Variants in ANKRD11 observed in about 807,000 individuals in gnomAD.
ANKRD11 encodes the protein ankyrin repeat domain-containing protein 11.
In ANKRD11, 17 loss-of-function variants were observed where a neutral mutation model predicts 195.7. That is an observed-to-expected ratio of 0.09 (90% CI 0.06 to 0.13). The LOEUF is 0.13. ANKRD11 is among the 10% of genes least tolerant of loss of function. The pLI is 1.00. For synonymous variants in ANKRD11, 1,953 were observed against 1,528.1 expected (o/e 1.28, Z -6.49); for missense variants, 3,735 against 3,566.1 (o/e 1.05, Z -1.21).
At chr16:89,324,729 A>C (rs759479341) in intron 2 of ANKRD11, 44 of 327,392 alleles carry the variant, frequency 1.3e-4, no homozygotes, top group Non-Finnish European at 2.2e-4. Flanking sequence ...TTGGACCTAC[A>C]CCAGTGGTTT....
At chr16:89,325,467 T>A (rs557398326) in intron 2 of ANKRD11, among the ~76,000 whole-genome samples, 2,135 of 140,502 alleles carry the variant, frequency 0.015, 58 homozygotes, top group African/African-American at 0.058. Flanking sequence ...TCTCTCTCTC[T>A]CTCACACACA....
In ANKRD11 at chr16:89,283,624, C is replaced by G. The variant is rs769464008; in HGVS notation, c.2918G>C (p.Arg973Pro). 6.2e-7 allele frequency: 1 copy of G among 1,610,420 alleles called. No homozygotes were observed. Among genetic ancestry groups the G allele is most frequent in the Non-Finnish European group, 8.5e-7 (1 of 1,179,898 alleles). Residue 973 changes from arginine (R) to proline (P), a missense_variant, in exon 9 of 13, where the codon CGG (arginine) becomes CCG (proline). Transcript: ENST00000301030. The surrounding 1 kb of genome is among the most constrained non-coding windows in gnomAD (Gnocchi z 4.3). ...GCAGCCACACTCCTTCAGCTCCTCC[C>G]GGTGCGCCTCCTCGGGCTTGGCCCT... is the stretch of plus-strand genomic sequence containing the variant. ...DGRAKPEEAHREELKECGCES... is the reference protein window; with the variant it reads ...DGRAKPEEAHPEELKECGCES...
chr16:89,303,451 C>A (rs1555534906), intron 4 of ANKRD11, among the ~76,000 whole-genome samples: 1 of 152,204 alleles, frequency 6.6e-6, no homozygotes, highest in Non-Finnish European at 1.5e-5. Context: ...CTTACACAAC[C>A]CATCCACACA....
chr16:89,293,336 C>T (rs751161944), intron 4 of ANKRD11, among the ~76,000 whole-genome samples: 1 of 152,126 alleles, frequency 6.6e-6, no homozygotes, highest in Non-Finnish European at 1.5e-5. Context: ...AAGTGAAAAG[C>T]GAGTGGGCCC....
At chr16:89,364,722 C>G (rs993903718) in intron 2 of ANKRD11, among the ~76,000 whole-genome samples, 3 of 152,198 alleles carry the variant, frequency 2.0e-5, no homozygotes, top group African/African-American at 7.2e-5. Context: ...CTGCCATGGG[C>G]CGCGGGCTGG....
At chr16:89,348,838 C>G (rs1448907128) in intron 2 of ANKRD11, among the ~76,000 whole-genome samples, 1 of 150,942 alleles carries the variant, frequency 6.6e-6, no homozygotes, top group African/African-American at 2.4e-5. Context: ...TTCTCCTGAT[C>G]CATTTGGCTA....
In ANKRD11 at chr16:89,275,222, G is replaced by A. The variant is rs2033548694; in HGVS notation, c.7471-31C>T. ...GGCAAAAGGTGAGTGTGGGGGGTCA[G>A]CTGGGGCTGTGGAACTGCACGAAGG... On this transcript the variant is annotated intron_variant, in intron 9 of 12. Coordinates refer to ENST00000301030, the MANE Select transcript of ANKRD11 (RefSeq NM_013275.6). The A allele has an allele frequency of 1.9e-6, 3 of 1,567,806 alleles. No homozygotes were observed. In the South Asian group the frequency reaches 3.4e-5, roughly 18 times the overall value.
Position 89,418,371 on chromosome 16 carries a change from G to A in ANKRD11, c.-144-3C>T, listed in dbSNP as rs1032099542. ...CCCAGAGCAGGGCTGTATATATTCTGAAACAAGAGAGTGAGATTAGCTCAT... is the reference window on the plus strand; with the variant it reads ...CCCAGAGCAGGGCTGTATATATTCTAAAACAAGAGAGTGAGATTAGCTCAT... On this transcript the variant is annotated splice_region_variant and splice_polypyrimidine_tract_variant and intron_variant, in intron 1 of 12. Transcript: ENST00000301030. 1.1e-5 allele frequency: 5 copies of A among 438,622 alleles called. No individual in the cohort carries two copies. In the Admixed American group the frequency reaches 1.2e-4, roughly 11 times the overall value. 27.2% of individuals were successfully genotyped at this position (438,622 alleles called of 1,614,324 possible). A position where few individuals can be genotyped will look rare whatever the true frequency, so the allele number is the denominator to read the frequency against.
intron 1 of ANKRD11, among the ~76,000 whole-genome samples, chr16:89,430,138 G>T (rs1253173419): frequency 1.5e-4 from 17 of 109,958 alleles, no homozygotes; most frequent in Admixed American, 1.8e-4. Context: ...ACACAGCAGG[G>T]ACTCTCAACT....
chr16:89,436,878 A>C (rs1357146806), intron 1 of ANKRD11, among the ~76,000 whole-genome samples: 2 of 152,228 alleles, frequency 1.3e-5, no homozygotes, highest in African/African-American at 4.8e-5. Flanking sequence ...GCTCTTCAAT[A>C]AACTTATCTA....
intron 2 of ANKRD11, among the ~76,000 whole-genome samples, chr16:89,332,839 A>G (rs1339145949): frequency 6.6e-6 from 1 of 152,146 alleles, no homozygotes; most frequent in Non-Finnish European, 1.5e-5. Flanking sequence ...AGAAACGTCC[A>G]TTTCTTTCCT....
rs199964892 is a variant in ANKRD11, at chr16:89,280,660, C to G, written c.5882G>C (p.Ser1961Thr). 3.1e-6 allele frequency: 5 copies of G among 1,613,440 alleles called. No homozygotes were observed. In the Admixed American group the frequency reaches 6.7e-5, roughly 22 times the overall value. The change falls in exon 9 of 13, where the codon AGC becomes ACC. Residue 1961 changes from serine (S) to threonine (T), a missense_variant. Transcript: ENST00000301030. ...GTTTTCAGAGGTGCCCCCGATCAGG[C>G]TAGAGGCAAGCGCCTGCTCGGAGGG... ...AHPSEQALAS[S>T]LIGGTSENPV...
intron 2 of ANKRD11, among the ~76,000 whole-genome samples, chr16:89,336,504 A>G (rs1466448259): frequency 6.6e-6 from 1 of 152,222 alleles, no homozygotes; most frequent in East Asian, 1.9e-4. Context: ...GTAGCAGGAC[A>G]TTGCCCAGAT....
chr16:89,435,194 C>G (rs2043161073), intron 1 of ANKRD11, among the ~76,000 whole-genome samples: 1 of 152,180 alleles, frequency 6.6e-6, no homozygotes, highest in African/African-American at 2.4e-5. Context: ...ACGCACCAAT[C>G]AGCACTCTGT....
intron 1 of ANKRD11, among the ~76,000 whole-genome samples, chr16:89,481,303 T>A (rs1378941044): frequency 6.6e-6 from 1 of 152,166 alleles, no homozygotes; most frequent in Non-Finnish European, 1.5e-5. Context: ...TGTGATGTCT[T>A]GTGCCTGTCA....
chr16:89,277,055 T>TA (rs35025100), intron 9 of ANKRD11, among the ~76,000 whole-genome samples: 108,513 of 143,300 alleles, frequency 0.76, 41,149 homozygotes, highest in South Asian at 0.89. Flanking sequence ...GACTCTGTCT[T>TA]AAAAAAAAAA....
Position 89,281,535 on chromosome 16 carries a change from G to A in ANKRD11, c.5007C>T (p.His1669=). ...CTTTGGAGTCTGCACCTGATGCTGG[G>A]TGTAGCTTATTTTCCGCGGCAGGTG... ...PIPPAAENKL[H]PASGADSKDW... The change falls in exon 9 of 13, where the codon CAC becomes CAT. Residue 1669 remains histidine, a synonymous_variant. Coordinates refer to ENST00000301030, the MANE Select transcript of ANKRD11 (RefSeq NM_013275.6). The surrounding 1 kb of genome is among the most constrained non-coding windows in gnomAD (Gnocchi z 5.5). 4 of 1,614,240 alleles carry A rather than the reference G, an allele frequency of 2.5e-6. No homozygotes were observed. Among genetic ancestry groups the A allele is most frequent in the South Asian group, 1.1e-5 (1 of 91,088 alleles).
chr16:89,341,924 C>A (rs568431716), intron 2 of ANKRD11, among the ~76,000 whole-genome samples: 23 of 151,214 alleles, frequency 1.5e-4, no homozygotes, highest in Admixed American at 8.6e-4. Context: ...CGGCCCACGG[C>A]GGGAGTGCTG....
At chr16:89,273,129 A>G (rs1197403721) in intron 11 of ANKRD11, 1 of 151,990 alleles carries the variant, frequency 6.6e-6, no homozygotes, top group African/African-American at 2.4e-5. Flanking sequence ...TAGTAACTGC[A>G]TTGTGTATTT....
Sources: allele counts gnomAD v4.1 joint callset (sites outside exome capture counted in the v4.1 genomes callset), GRCh38; gene constraint gnomAD v4.1.1; non-coding constraint Gnocchi (gnomAD v3.1); transcripts MANE v1.5; gene names NCBI Gene and HGNC (gene_info 2026-07-23, HGNC 2026-07-21).